Variants in SNTG1 observed in about 807,000 individuals in gnomAD.
SNTG1 encodes the protein syntrophin gamma 1.
SNTG1 carries 39 observed loss-of-function variants against 74.7 expected under a neutral mutation model. The ratio of observed to expected loss-of-function variants is 0.52; its 90% CI spans 0.40 to 0.68. The LOEUF is 0.68. Ranked by LOEUF, SNTG1 falls within the 30% of genes least tolerant of loss-of-function variation. SNTG1 has a pLI of 0.00. For missense variants in SNTG1, 685 were observed against 609.5 expected, an observed-to-expected ratio of 1.12 and a Z score of -1.30; for synonymous variants, 254 against 217.1, an observed-to-expected ratio of 1.17 and a Z score of -1.49.
intron 2 of SNTG1, among the ~76,000 whole-genome samples, chr8:50,347,321 A>G (rs553133172): frequency 6.6e-6 from 1 of 152,326 alleles, no homozygotes; most frequent in East Asian, 1.9e-4. Context: ...GTAGCAGCAC[A>G]TTTGTTTGTA....
chr8:50,463,153 A>C (rs933779153), intron 8 of SNTG1, among the ~76,000 whole-genome samples: 3 of 151,700 alleles, frequency 2.0e-5, no homozygotes, highest in African/African-American at 7.3e-5. Context: ...TGCTATTTCC[A>C]CTGTTTGTTG....
intron 1 of SNTG1, among the ~76,000 whole-genome samples, chr8:50,048,128 T>G (rs1025424759): frequency 6.6e-6 from 1 of 152,142 alleles, no homozygotes; most frequent in Non-Finnish European, 1.5e-5. Flanking sequence ...TAATTTAAAT[T>G]TATTTATCAG....
intron 1 of SNTG1, among the ~76,000 whole-genome samples, chr8:50,114,081 T>G (rs543706451): frequency 6.6e-6 from 1 of 152,224 alleles, no homozygotes. Flanking sequence ...TTGAGAATAT[T>G]CGACATAATA....
intron 1 of SNTG1, among the ~76,000 whole-genome samples, chr8:50,060,782 G>T (rs1820406076): frequency 6.6e-6 from 1 of 151,990 alleles, no homozygotes; most frequent in Admixed American, 6.6e-5. Flanking sequence ...TATGTTTTGA[G>T]ATTTGTTTAA....
At chr8:50,718,633 G>T (rs2095480435) in intron 17 of SNTG1, among the ~76,000 whole-genome samples, 1 of 152,094 alleles carries the variant, frequency 6.6e-6, no homozygotes, top group African/African-American at 2.4e-5. Context: ...TTCTATTTTA[G>T]TCTCTGTATT....
chr8:50,090,386 T>C lies in SNTG1; in HGVS notation c.-102-82175T>C, dbSNP rs2079678765. On this transcript the variant is annotated intron_variant, in intron 1 of 18. Coordinates refer to ENST00000642720, the MANE Select transcript of SNTG1 (RefSeq NM_018967.5). Reference sequence around the variant, plus strand: ...AGTTTCTCTCACTTTGTTTCTCTTCTCTTTCTCTGGATTGGTTTTCATGCA... The same window carrying C: ...AGTTTCTCTCACTTTGTTTCTCTTCCCTTTCTCTGGATTGGTTTTCATGCA... Among the ~76,000 whole-genome samples, 3 of 152,148 alleles carry C rather than the reference T, an allele frequency of 2.0e-5. No homozygotes were observed. In the South Asian group the frequency reaches 6.2e-4, roughly 32 times the overall value.
intron 2 of SNTG1, among the ~76,000 whole-genome samples, chr8:50,256,002 A>G (rs1289348161): frequency 6.6e-6 from 1 of 152,162 alleles, no homozygotes; most frequent in Non-Finnish European, 1.5e-5. Context: ...CACCTCTTCC[A>G]TTAGCCCTTA....
At position 50,101,107 on chromosome 8, in the gene SNTG1, G is replaced by A. The variant is rs190377205; in HGVS notation, c.-102-71454G>A. 6.1e-4 allele frequency among the ~76,000 whole-genome samples: 93 copies of A among 152,174 alleles called. 4 individuals carry two copies. In the East Asian group the frequency reaches 0.014, roughly 24 times the overall value. ...CCATCTATGTTGCTGTGAAAAACAT[G>A]ATCTCACTCTTTTTTATGGCTGCAT... On this transcript the variant is annotated intron_variant, in intron 1 of 18. Coordinates refer to ENST00000642720, the MANE Select transcript of SNTG1 (RefSeq NM_018967.5).
chr8:50,490,399 A>C (rs930626826), intron 8 of SNTG1, among the ~76,000 whole-genome samples: 3 of 152,170 alleles, frequency 2.0e-5, no homozygotes, highest in African/African-American at 7.2e-5. Context: ...CTTCCTATCC[A>C]TGTGCATGGA....
At chr8:50,262,914 C>T (rs1254815729) in intron 2 of SNTG1, among the ~76,000 whole-genome samples, 1 of 152,100 alleles carries the variant, frequency 6.6e-6, no homozygotes, top group African/African-American at 2.4e-5. Context: ...ATTTAAATCA[C>T]TTGTTTTCAG....
chr8:50,296,624 C>T (rs2130620087), intron 2 of SNTG1, among the ~76,000 whole-genome samples: 1 of 152,072 alleles, frequency 6.6e-6, no homozygotes, highest in African/African-American at 2.4e-5. Flanking sequence ...GGATGGAGGG[C>T]AAGGGGAGGG....
intron 2 of SNTG1, among the ~76,000 whole-genome samples, chr8:50,331,678 T>A (rs551845237): frequency 6.6e-6 from 1 of 152,160 alleles, no homozygotes; most frequent in Admixed American, 6.5e-5. Context: ...GCATGAGAGA[T>A]AGCAGTAGCT....
chr8:50,630,667 C>G (rs900169165), intron 13 of SNTG1, among the ~76,000 whole-genome samples: 1 of 152,148 alleles, frequency 6.6e-6, no homozygotes, highest in African/African-American at 2.4e-5. Flanking sequence ...ATGTCAGTCA[C>G]CTGCACCTAG....
At chr8:49,927,180 G>A (rs962828012) in intron 1 of SNTG1, among the ~76,000 whole-genome samples, 3 of 152,140 alleles carry the variant, frequency 2.0e-5, no homozygotes, top group African/African-American at 4.8e-5. Flanking sequence ...GAGCCACGTG[G>A]AATACAGTTG....
intron 2 of SNTG1, among the ~76,000 whole-genome samples, chr8:50,194,891 A>G (rs2131807463): frequency 2.6e-5 from 4 of 152,052 alleles, no homozygotes; most frequent in Admixed American, 2.6e-4. Context: ...AGTTCGAAGA[A>G]TTTTTTTACT....
intron 8 of SNTG1, among the ~76,000 whole-genome samples, chr8:50,463,698 G>A (rs914607751): frequency 1.4e-4 from 21 of 152,078 alleles, no homozygotes; most frequent in African/African-American, 4.6e-4. Context: ...AATTCTTAAA[G>A]TCGCTAGCAT....
intron 8 of SNTG1, among the ~76,000 whole-genome samples, chr8:50,459,298 T>G (rs567845303): frequency 3.9e-5 from 6 of 152,334 alleles, no homozygotes. Flanking sequence ...TAAACGTTGG[T>G]AAGCCATCAA....
intron 1 of SNTG1, among the ~76,000 whole-genome samples, chr8:49,938,937 A>G (rs2129371411): frequency 6.6e-6 from 1 of 152,076 alleles, no homozygotes; most frequent in East Asian, 1.9e-4. Flanking sequence ...AGTATTCCAC[A>G]GTGGTGCCCT....
chr8:50,361,517 T>C (rs2091958892), intron 2 of SNTG1, among the ~76,000 whole-genome samples: 1 of 152,190 alleles, frequency 6.6e-6, no homozygotes, highest in African/African-American at 2.4e-5. Context: ...GTTTGCTTGT[T>C]TGTTTAGAGA....
Sources: allele counts gnomAD v4.1 joint callset (sites outside exome capture counted in the v4.1 genomes callset), GRCh38; gene constraint gnomAD v4.1.1; transcripts MANE v1.5; gene names NCBI Gene and HGNC (gene_info 2026-07-23, HGNC 2026-07-21).